Variants in SMYD3 observed in about 807,000 individuals in gnomAD.
The protein encoded by SMYD3 is histone-lysine N-methyltransferase SMYD3.
Under a neutral mutation model 57.7 loss-of-function variants are expected in SMYD3, and 36 were observed. The observed-to-expected ratio is 0.62, with a 90% CI of 0.48 to 0.82. The LOEUF (loss-of-function observed/expected upper bound fraction) is 0.82, where lower values mean the gene tolerates loss of function less well. Among genes scored for constraint, SMYD3 ranks in the 40% least tolerant of loss-of-function variants. SMYD3 has a pLI of 0.00. For synonymous variants in SMYD3, 211 were observed against 195.0 expected (o/e 1.08, Z -0.68); for missense variants, 515 against 538.8 (o/e 0.96, Z 0.44).
At chr1:246,227,614 C>CA (rs1401437003) in intron 5 of SMYD3, among the ~76,000 whole-genome samples, 12 of 147,728 alleles carry the variant, frequency 8.1e-5, no homozygotes, top group East Asian at 2.0e-4. Context: ...GACTCCATCT[C>CA]AAAAAAAAAG....
At chr1:245,865,174 G>A (rs552514510) in intron 8 of SMYD3, among the ~76,000 whole-genome samples, 4 of 152,162 alleles carry the variant, frequency 2.6e-5, no homozygotes, top group East Asian at 1.9e-4. Context: ...TACTGATATC[G>A]TCTTATCTTC....
At chr1:245,803,902 C>T (rs1196556804) in intron 10 of SMYD3, among the ~76,000 whole-genome samples, 4 of 147,052 alleles carry the variant, frequency 2.7e-5, no homozygotes, top group Admixed American at 7.0e-5. Context: ...TTTCCAGTTA[C>T]GTAAGTCAGT....
At position 245,927,681 on chromosome 1, in the gene SMYD3, T is replaced by A. The variant is rs73128365; in HGVS notation, c.702+250A>T. On this transcript the variant is annotated intron_variant, in intron 7 of 11. Transcript: ENST00000490107. ...TGTCATACACAAACTCCTCTCTCTC[T>A]CACACACAGGACAGGAACTGTCATC... is the stretch of plus-strand genomic sequence containing the variant. Among the ~76,000 whole-genome samples, 6,590 of 152,138 alleles carry A rather than the reference T, an allele frequency of 0.043. 471 individuals are homozygous for A. The highest frequency in any genetic ancestry group is 0.15 in the African/African-American group (6,232 of 41,448).
At chr1:245,806,743 T>TA (rs1458201832) in intron 10 of SMYD3, among the ~76,000 whole-genome samples, 1 of 150,410 alleles carries the variant, frequency 6.6e-6, no homozygotes, top group Non-Finnish European at 1.5e-5. Context: ...ACCCCGTCTC[T>TA]ACTAAAAATA....
intron 10 of SMYD3, among the ~76,000 whole-genome samples, chr1:245,799,464 T>C (rs2148230893): frequency 6.6e-6 from 1 of 152,402 alleles, no homozygotes; most frequent in Non-Finnish European, 1.5e-5. Flanking sequence ...CCCTCTCTTC[T>C]CCTTTCCAAT....
intron 11 of SMYD3, among the ~76,000 whole-genome samples, chr1:245,759,452 G>A (rs936347871): frequency 1.5e-5 from 2 of 130,920 alleles, no homozygotes; most frequent in African/African-American, 4.6e-5. Context: ...ATATACAAAA[G>A]GTTGTGTATA....
chr1:246,322,665 T>C (rs1031439151), intron 5 of SMYD3, among the ~76,000 whole-genome samples: 1 of 152,284 alleles, frequency 6.6e-6, no homozygotes, highest in South Asian at 2.1e-4. Flanking sequence ...GCTCACACTT[T>C]ACACTTTTAT....
At chr1:246,165,023 C>T (rs1056380605) in intron 5 of SMYD3, among the ~76,000 whole-genome samples, 1 of 152,122 alleles carries the variant, frequency 6.6e-6, no homozygotes, top group Non-Finnish European at 1.5e-5. Flanking sequence ...AGAACCCCAC[C>T]GACTGGGAAG....
chr1:246,137,011 A>T (rs2061675332), intron 5 of SMYD3, among the ~76,000 whole-genome samples: 1 of 152,202 alleles, frequency 6.6e-6, no homozygotes. Context: ...AAGAAACAGA[A>T]GTCTTACAAC....
At position 246,040,486 on chromosome 1, in the gene SMYD3, T is replaced by C. The variant is rs564871535; in HGVS notation, c.532-110549A>G. Among the ~76,000 whole-genome samples, 14 of 152,332 alleles carry C rather than the reference T, an allele frequency of 9.2e-5. 1 individual carries two copies. Among genetic ancestry groups the C allele is most frequent in the African/African-American group, 3.4e-4 (14 of 41,580 alleles). ...TATCTCAATGAAGCTGATGCTGCCG[T>C]CTGAGCACTGCTTTCTCGTAGGAAT... On this transcript the variant is annotated intron_variant, in intron 5 of 11. Transcript: ENST00000490107.
At chr1:245,836,745 C>T (rs919556443) in intron 10 of SMYD3, among the ~76,000 whole-genome samples, 1 of 152,144 alleles carries the variant, frequency 6.6e-6, no homozygotes, top group African/African-American at 2.4e-5. Context: ...AGCAATGTCC[C>T]GACTCGGTTT....
chr1:246,275,377 CTGTATTAA>C (rs1206903098), intron 5 of SMYD3, among the ~76,000 whole-genome samples: 4 of 151,558 alleles, frequency 2.6e-5, no homozygotes, highest in South Asian at 4.2e-4. Context: ...TTTTTACTAG[CTGTATTAA>C]CACTGGCAAG....
intron 5 of SMYD3, among the ~76,000 whole-genome samples, chr1:246,015,198 C>T (rs999953987): frequency 6.6e-6 from 1 of 152,170 alleles, no homozygotes; most frequent in East Asian, 1.9e-4. Context: ...GACTCTCCCT[C>T]ATGCACATTA....
chr1:246,147,404 A>G (rs2061866679), intron 5 of SMYD3, among the ~76,000 whole-genome samples: 1 of 152,154 alleles, frequency 6.6e-6, no homozygotes, highest in African/African-American at 2.4e-5. Flanking sequence ...GTATGCCTTT[A>G]TAACATGTTG....
intron 5 of SMYD3, among the ~76,000 whole-genome samples, chr1:246,172,714 A>G (rs555340909): frequency 1.1e-3 from 158 of 140,238 alleles, no homozygotes; most frequent in African/African-American, 4.1e-3. Context: ...ACTGTTCTCT[A>G]CTGCAGACTA....
chr1:246,211,878 G>A (rs1448234527), intron 5 of SMYD3, among the ~76,000 whole-genome samples: 1 of 150,414 alleles, frequency 6.6e-6, no homozygotes, highest in Admixed American at 6.6e-5. Context: ...GTAGCATAAA[G>A]ATGAGTAAAA....
chr1:246,012,566 A>G (rs768099195), intron 5 of SMYD3, among the ~76,000 whole-genome samples: 2 of 152,240 alleles, frequency 1.3e-5, no homozygotes, highest in Non-Finnish European at 2.9e-5. Flanking sequence ...CAGCGTGTGC[A>G]TATGTTCCTA....
rs534305833 is a variant in SMYD3 at position 245,761,786 on chromosome 1, CTTTTTTTTTTT to C, written c.1185+2244_1185+2254del. Among the ~76,000 whole-genome samples the C allele has an allele frequency of 2.7e-3, 308 of 115,734 alleles. 2 individuals carry two copies. The highest frequency in any genetic ancestry group is 0.011 in the African/African-American group (286 of 26,908). 75.9% of individuals were successfully genotyped at this position (115,734 alleles called of 152,430 possible). On this transcript the variant is annotated intron_variant, in intron 11 of 11. Transcript: ENST00000490107. The stretch of plus-strand genomic sequence containing the variant: ...TTAAATTGTACACACCATATTGAGT[CTTTTTTTTTTT>C]TTTTTTTTGAGACAGTCTCACTCTG...
At chr1:246,215,275 G>A (rs931332779) in intron 5 of SMYD3, among the ~76,000 whole-genome samples, 2 of 152,096 alleles carry the variant, frequency 1.3e-5, no homozygotes, top group Admixed American at 6.5e-5. Flanking sequence ...GCAGGTGCAG[G>A]AAAATATAAA....
Sources: gnomAD v4.1 joint callset for allele counts (sites outside exome capture counted in the v4.1 genomes callset) on GRCh38, gnomAD v4.1.1 for gene constraint, MANE v1.5 for transcripts, NCBI Gene and HGNC (gene_info 2026-07-23, HGNC 2026-07-21) for gene names.